The following ITGB5 variants were observed in gnomAD, a reference collection of about 807,000 sequenced individuals.
ITGB5 encodes the protein integrin beta-5.
In ITGB5, 38 loss-of-function variants were observed where a neutral mutation model predicts 84.8. The ratio of observed to expected loss-of-function variants is 0.45; its 90% CI spans 0.35 to 0.59. The LOEUF is 0.59. Among genes scored for constraint, ITGB5 ranks in the 20% least tolerant of loss-of-function variants. ITGB5 has a pLI of 0.01. For synonymous variants in ITGB5, 393 were observed against 414.4 expected (o/e 0.95, Z 0.63); for missense variants, 905 against 1,034.5 (o/e 0.87, Z 1.72).
At chr3:124,835,119 C>T (rs898596759) in intron 5 of ITGB5, among the ~76,000 whole-genome samples, 3 of 152,162 alleles carry the variant, frequency 2.0e-5, no homozygotes, top group South Asian at 4.1e-4. Flanking sequence ...AAGGCAGGCA[C>T]GTGACTTGTT....
chr3:124,841,931 A>G (rs2065016908), intron 4 of ITGB5, among the ~76,000 whole-genome samples: 2 of 152,236 alleles, frequency 1.3e-5, no homozygotes, highest in Non-Finnish European at 2.9e-5. Context: ...CTCTGGGCTA[A>G]GGAACATGGA....
chr3:124,781,790 C>T (rs1169796417), intron 10 of ITGB5, among the ~76,000 whole-genome samples: 1 of 152,138 alleles, frequency 6.6e-6, no homozygotes, highest in East Asian at 1.9e-4. Context: ...TTTGGTGGAA[C>T]GTCTCCCCTG....
At chr3:124,868,963 G>C (rs1179767695) in intron 2 of ITGB5, among the ~76,000 whole-genome samples, 2 of 152,180 alleles carry the variant, frequency 1.3e-5, no homozygotes, top group Admixed American at 6.5e-5. Flanking sequence ...GATACCTGTG[G>C]GAGGAGACGT....
chr3:124,779,799 C>T (rs2150945487), intron 10 of ITGB5, among the ~76,000 whole-genome samples: 1 of 152,238 alleles, frequency 6.6e-6, no homozygotes, highest in Middle Eastern at 3.4e-3. Flanking sequence ...ACATCACTGC[C>T]TTATCATGGC....
chr3:124,884,987 G>A (rs1217614340), intron 1 of ITGB5, among the ~76,000 whole-genome samples: 1 of 151,540 alleles, frequency 6.6e-6, no homozygotes, highest in Non-Finnish European at 1.5e-5. Context: ...GAAATTATTC[G>A]CAGCCAGGCG....
Position 124,868,618 on chromosome 3 carries a change from CAAAAAAA to C in ITGB5, c.156+4821_156+4827del, listed in dbSNP as rs67873873. Among the ~76,000 whole-genome samples the C allele has an allele frequency of 5.9e-5, 4 of 68,156 alleles. No homozygotes were observed. In the Admixed American group the frequency reaches 6.6e-4, roughly 11 times the overall value. 44.7% of individuals were successfully genotyped at this position (68,156 alleles called of 152,430 possible). On this transcript the variant is annotated intron_variant, in intron 2 of 14. Coordinates refer to ENST00000296181, the MANE Select transcript of ITGB5 (RefSeq NM_002213.5). ...CAACATAGTGAGACCTGTTCTCTAC[CAAAAAAA>C]AAAAAAAAAAAAAAAAAATCAAAAA...
At chr3:124,806,796 G>GT (rs10654284) in intron 9 of ITGB5, among the ~76,000 whole-genome samples, 63,129 of 147,402 alleles carry the variant, frequency 0.43, 14,199 homozygotes, top group African/African-American at 0.58. Context: ...AAGCATTAGT[G>GT]TTTTTTTTTT....
intron 5 of ITGB5, among the ~76,000 whole-genome samples, chr3:124,831,196 T>G (rs540612763): frequency 3.3e-5 from 5 of 152,140 alleles, no homozygotes; most frequent in Non-Finnish European, 7.4e-5. Flanking sequence ...CACCACCCAC[T>G]TATCCCCTCT....
intron 9 of ITGB5, among the ~76,000 whole-genome samples, chr3:124,807,940 T>A (rs1381533726): frequency 2.9e-5 from 1 of 35,000 alleles, no homozygotes; most frequent in Non-Finnish European, 5.9e-5. Context: ...AGACTTCATC[T>A]CAAAAAAAAA....
At chr3:124,778,294 T>C (rs2063953531) in intron 10 of ITGB5, among the ~76,000 whole-genome samples, 1 of 152,250 alleles carries the variant, frequency 6.6e-6, no homozygotes, top group Non-Finnish European at 1.5e-5. Context: ...AATGTGTCTA[T>C]TTATACAGAT....
chr3:124,883,212 T>C (rs938324960), intron 1 of ITGB5, among the ~76,000 whole-genome samples: 1 of 152,150 alleles, frequency 6.6e-6, no homozygotes, highest in Non-Finnish European at 1.5e-5. Context: ...AATATTTCCA[T>C]GGCCAGGCTG....
chr3:124,764,409 G>A lies in ITGB5; in HGVS notation c.2286C>T (p.Ser762=). ...REFAKFQSER[S]RARYEMASNP... Reference sequence around the variant, plus strand: ...TGCTTACCATTTCATAGCGGGCCCTGGATCGCTCGCTCTGAAACTTTGCAA... The same window carrying A: ...TGCTTACCATTTCATAGCGGGCCCTAGATCGCTCGCTCTGAAACTTTGCAA... The change falls in exon 14 of 15, where the codon TCC becomes TCT. Residue 762 remains serine (S), a synonymous_variant. Transcript: ENST00000296181. 1 of 1,612,328 alleles carries A rather than the reference G, an allele frequency of 6.2e-7. No homozygotes were observed. Among genetic ancestry groups the A allele is most frequent in the Non-Finnish European group, 8.5e-7 (1 of 1,178,506 alleles).
chr3:124,772,021 G>C (rs970615956), intron 11 of ITGB5, among the ~76,000 whole-genome samples: 4 of 152,056 alleles, frequency 2.6e-5, no homozygotes, highest in African/African-American at 9.7e-5. Context: ...CATTTACCTA[G>C]TGTGCCCCAA....
At chr3:124,781,207 C>G (rs1462818926) in intron 10 of ITGB5, 3 of 152,234 alleles carry the variant, frequency 2.0e-5, no homozygotes, top group African/African-American at 7.2e-5. Context: ...CCGGGATGGG[C>G]TCACTGTGGC....
In ITGB5 at chr3:124,830,320, G is replaced by C. The variant is rs548315624; in HGVS notation, c.781-8846C>G. ...ACCTGACTTTCACCCATATGGTAAGGTGGCTCCATGGGAAGCCAACAGGAG... is the reference window on the plus strand; with the variant it reads ...ACCTGACTTTCACCCATATGGTAAGCTGGCTCCATGGGAAGCCAACAGGAG... On this transcript the variant is annotated intron_variant, in intron 5 of 14. Transcript: ENST00000296181. Among the ~76,000 whole-genome samples, 25 of 152,310 alleles carry C rather than the reference G, an allele frequency of 1.6e-4. 1 individual carries two copies. The East Asian group carries it at 4.6e-3, about 28-fold the overall frequency.
In ITGB5 at chr3:124,840,676, T is replaced by A. The variant is rs536059988; in HGVS notation, c.780+707A>T. ...TCTTTTTCTTTCTTTTTTTTTTTTT[T>A]AAATTTGAGACAGAGTCTCACACTG... On this transcript the variant is annotated intron_variant, in intron 5 of 14. Coordinates refer to ENST00000296181, the MANE Select transcript of ITGB5 (RefSeq NM_002213.5). Among the ~76,000 whole-genome samples the A allele has an allele frequency of 5.3e-5, 8 of 151,018 alleles. No individual in the cohort carries two copies. The East Asian group carries it at 1.6e-3, about 29-fold the overall frequency.
chr3:124,897,605 C>A (rs1226192985), intron 1 of ITGB5, among the ~76,000 whole-genome samples: 1 of 152,138 alleles, frequency 6.6e-6, no homozygotes, highest in Non-Finnish European at 1.5e-5. Flanking sequence ...AGGGCTTGAG[C>A]TCAGGGATTC....
chr3:124,791,938 G>A (rs1182751000), intron 10 of ITGB5: 1 of 152,214 alleles, frequency 6.6e-6, no homozygotes, highest in African/African-American at 2.4e-5. Context: ...AGGTTTGAGA[G>A]ACAAGGAAGG....
intron 1 of ITGB5, among the ~76,000 whole-genome samples, chr3:124,899,302 AG>A (rs1935173662): frequency 6.6e-6 from 1 of 152,134 alleles, no homozygotes; most frequent in Non-Finnish European, 1.5e-5. Context: ...CTTTTTACAT[AG>A]CAAAGAAATA....
Sources: gnomAD v4.1 joint callset for allele counts (sites outside exome capture counted in the v4.1 genomes callset) on GRCh38, gnomAD v4.1.1 for gene constraint, MANE v1.5 for transcripts, NCBI Gene and HGNC (gene_info 2026-07-23, HGNC 2026-07-21) for gene names.